The following SEC63 variants were observed in gnomAD, a reference collection of about 807,000 sequenced individuals.
The protein encoded by SEC63 is translocation protein SEC63 homolog.
SEC63 carries 56 observed loss-of-function variants against 116.2 expected under a neutral mutation model. That is an observed-to-expected ratio of 0.48 (90% CI 0.39 to 0.60). SEC63 has a LOEUF of 0.60. Among genes scored for constraint, SEC63 ranks in the 20% least tolerant of loss-of-function variants. The pLI, the probability that SEC63 is intolerant of heterozygous loss-of-function variation, is 0.00. For missense variants in SEC63, 668 were observed against 900.0 expected, an observed-to-expected ratio of 0.74 and a Z score of 3.30; for synonymous variants, 273 against 294.6, an observed-to-expected ratio of 0.93 and a Z score of 0.75.
intron 1 of SEC63, among the ~76,000 whole-genome samples, chr6:107,930,716 C>T (rs868136191): frequency 2.6e-5 from 4 of 152,062 alleles, no homozygotes; most frequent in Middle Eastern, 3.2e-3. Context: ...TTTATGGGGT[C>T]AGGCACCGTG....
chr6:107,886,102 T>C (rs963974916), intron 16 of SEC63, among the ~76,000 whole-genome samples: 2 of 152,084 alleles, frequency 1.3e-5, no homozygotes, highest in Non-Finnish European at 2.9e-5. Context: ...AGTGAGAACA[T>C]GGCGGTGTTT....
intron 16 of SEC63, among the ~76,000 whole-genome samples, chr6:107,886,426 C>T (rs984136230): frequency 1.3e-5 from 2 of 152,184 alleles, no homozygotes; most frequent in East Asian, 1.9e-4. Flanking sequence ...CTTGAGGAAT[C>T]GCCACACTGA....
intron 3 of SEC63, among the ~76,000 whole-genome samples, chr6:107,923,244 T>C (rs1306555881): frequency 2.5e-4 from 38 of 151,920 alleles, no homozygotes; most frequent in Admixed American, 2.5e-3. Flanking sequence ...CCCAAGTGGC[T>C]GGAACCACAG....
chr6:107,945,748 A>G (rs1265974902), intron 1 of SEC63, among the ~76,000 whole-genome samples: 1 of 152,088 alleles, frequency 6.6e-6, no homozygotes, highest in Non-Finnish European at 1.5e-5. Flanking sequence ...ATTTATGAAT[A>G]CATTTGTAAT....
intron 16 of SEC63, among the ~76,000 whole-genome samples, chr6:107,888,499 C>T (rs933506410): frequency 7.2e-5 from 11 of 152,112 alleles, no homozygotes; most frequent in African/African-American, 2.2e-4. Context: ...TGGGCTGAGA[C>T]GATGGGGTTT....
chr6:107,871,928 T>C (rs1786143900), intron 20 of SEC63, 81 bp from the exon 21 acceptor site: 1 of 1,440,960 alleles, frequency 6.9e-7, no homozygotes, highest in Non-Finnish European at 9.7e-7. Flanking sequence ...AAGGTTTTCT[T>C]TGACCACAGC....
chr6:107,886,349 A>T (rs1786528680), intron 16 of SEC63, among the ~76,000 whole-genome samples: 1 of 152,180 alleles, frequency 6.6e-6, no homozygotes, highest in South Asian at 2.1e-4. Flanking sequence ...TAGTAAAATG[A>T]TTTATAATCC....
chr6:107,947,194 G>A (rs1770495966), intron 1 of SEC63, among the ~76,000 whole-genome samples: 2 of 152,038 alleles, frequency 1.3e-5, no homozygotes, highest in Non-Finnish European at 2.9e-5. Context: ...GCTACTTGGA[G>A]GCTGTGGTGG....
chr6:107,899,361 A>C (rs1243925587), intron 13 of SEC63, among the ~76,000 whole-genome samples: 1 of 152,228 alleles, frequency 6.6e-6, no homozygotes, highest in East Asian at 1.9e-4. Context: ...AGTGAGGCCG[A>C]ACACTCTTAA....
chr6:107,892,435 G>A (rs1349446557), intron 16 of SEC63, among the ~76,000 whole-genome samples: 3 of 152,048 alleles, frequency 2.0e-5, no homozygotes, highest in African/African-American at 4.8e-5. Flanking sequence ...TATCAACTAC[G>A]GTAATAATGT....
chr6:107,877,071 G>GTGTGTATATATATATATATATA (rs1409286259), intron 18 of SEC63: 1 of 34,480 alleles, frequency 2.9e-5, no homozygotes, highest in African/African-American at 9.2e-5. Context: ...ATATGTGTGT[G>GTGTGTATATATATATATATATA]TATATATATA....
At chr6:107,920,509 C>T (rs1334342745) in intron 4 of SEC63, among the ~76,000 whole-genome samples, 2 of 149,246 alleles carry the variant, frequency 1.3e-5, no homozygotes, top group African/African-American at 4.9e-5. Context: ...CTTTTATATG[C>T]AGTAGGAAAC....
rs1022014937 is a variant in SEC63 at position 107,893,751 on chromosome 6, T to C, written c.1500+87A>G. On this transcript the variant is annotated intron_variant, in intron 15 of 20. Transcript: ENST00000369002. ...GGTGGAAATAGCTAAACTGAATTAC[T>C]CTCCCAGAGCAATATAAGTCAATTG... 5 of 1,592,870 alleles carry C rather than the reference T, an allele frequency of 3.1e-6. No homozygotes were observed. In the African/African-American group the frequency reaches 6.7e-5, roughly 21 times the overall value.
At chr6:107,910,972 A>G (rs550854240) in intron 7 of SEC63, among the ~76,000 whole-genome samples, 2 of 152,142 alleles carry the variant, frequency 1.3e-5, no homozygotes, top group African/African-American at 2.4e-5. Context: ...CAGCCTCCCA[A>G]TGTGCTGGGA....
Position 107,870,119 on chromosome 6 carries a change from G to A in SEC63, c.*1585C>T, listed in dbSNP as rs1786095275. 1 of 152,358 alleles carries A rather than the reference G, an allele frequency of 6.6e-6. No individual in the cohort carries two copies. The highest frequency in any genetic ancestry group is 2.1e-4 in the South Asian group (1 of 4,814). 9.4% of individuals were successfully genotyped at this position (152,358 alleles called of 1,614,324 possible). ...ACACTGGTGCTTCACAGCAGAACCT[G>A]ATTTGAAAATTAAACCCACCCTCCT... On this transcript the variant is annotated 3_prime_UTR_variant, in exon 21 of 21. Transcript: ENST00000369002.
chr6:107,910,424 C>A (rs1316641511), intron 7 of SEC63, among the ~76,000 whole-genome samples: 1 of 152,044 alleles, frequency 6.6e-6, no homozygotes, highest in African/African-American at 2.4e-5. Flanking sequence ...GCCATGTTTG[C>A]ACCACCTTAC....
At chr6:107,951,049 A>G (rs767245265) in intron 1 of SEC63, among the ~76,000 whole-genome samples, 2 of 152,226 alleles carry the variant, frequency 1.3e-5, no homozygotes, top group Admixed American at 1.3e-4. Context: ...TGCACTTACA[A>G]ATAATGGTTG....
intron 2 of SEC63, among the ~76,000 whole-genome samples, chr6:107,927,673 A>G (rs1787706045): frequency 6.6e-6 from 1 of 152,206 alleles, no homozygotes; most frequent in Non-Finnish European, 1.5e-5. Context: ...GCCAGATAAG[A>G]GACTGGGAGG....
intron 1 of SEC63, among the ~76,000 whole-genome samples, chr6:107,940,546 G>A (rs1770353346): frequency 6.6e-6 from 1 of 151,870 alleles, no homozygotes; most frequent in African/African-American, 2.4e-5. Flanking sequence ...CCCCAGTGGA[G>A]ACCAAAAAAA....
Sources: gnomAD v4.1 joint callset for allele counts (sites outside exome capture counted in the v4.1 genomes callset) on GRCh38, gnomAD v4.1.1 for gene constraint, MANE v1.5 for transcripts, NCBI Gene and HGNC (gene_info 2026-07-23, HGNC 2026-07-21) for gene names.